The following OPN3 variants were observed in gnomAD, a reference collection of about 807,000 sequenced individuals.
OPN3 encodes opsin-3.
In OPN3, 29 loss-of-function variants were observed where a neutral mutation model predicts 33.8. That is an observed-to-expected ratio of 0.86 (90% CI 0.64 to 1.17). The LOEUF (loss-of-function observed/expected upper bound fraction) is 1.17, where lower values mean the gene tolerates loss of function less well. OPN3 is among the 50% of genes most tolerant of loss of function. OPN3 has a pLI of 0.00. For synonymous variants in OPN3, 216 were observed against 216.1 expected (o/e 1.00, Z 0.00); for missense variants, 437 against 514.1 (o/e 0.85, Z 1.45).
rs45534741 is a variant in OPN3 at position 241,634,034 on chromosome 1, G to A, written c.373+5848C>T. The A allele has an allele frequency of 5.5e-5, 89 of 1,613,492 alleles. No individual in the cohort carries two copies. Among genetic ancestry groups the A allele is most frequent in the Non-Finnish European group, 7.2e-5 (85 of 1,179,846 alleles). ...ATTTCCCAGGCCACAGTCAGGCCCA[G>A]AGCAGACATAAACATTGGAAGGCAA... On this transcript the variant is annotated intron_variant, in intron 1 of 3. Coordinates refer to ENST00000366554, the MANE Select transcript of OPN3 (RefSeq NM_014322.3).
chr1:241,594,700 A>G lies in OPN3; in HGVS notation c.946-9T>C. 2 of 1,608,714 alleles carry G rather than the reference A, an allele frequency of 1.2e-6. No homozygotes were observed. Among genetic ancestry groups the G allele is most frequent in the East Asian group, 2.2e-5 (1 of 44,794 alleles). On this transcript the variant is annotated splice_polypyrimidine_tract_variant and intron_variant, in intron 3 of 3. Transcript: ENST00000366554. ...AAAAGGGATCTTCGAAACTGGGCAG[A>G]GAAAAAATAAAGTGGAATATTAAGT...
At chr1:241,602,744 C>A (rs1388615641) in intron 2 of OPN3, among the ~76,000 whole-genome samples, 1 of 152,266 alleles carries the variant, frequency 6.6e-6, no homozygotes, top group East Asian at 1.9e-4. Flanking sequence ...AGAGCCCCAT[C>A]CTCATGACCT....
chr1:241,602,510 T>C (rs946092655), intron 2 of OPN3, among the ~76,000 whole-genome samples: 1 of 152,220 alleles, frequency 6.6e-6, no homozygotes, highest in Non-Finnish European at 1.5e-5. Flanking sequence ...TTCTGGAGGC[T>C]GGGAAGTCCC....
intron 3 of OPN3, among the ~76,000 whole-genome samples, chr1:241,596,809 A>G (rs1219447590): frequency 2.0e-5 from 3 of 152,156 alleles, no homozygotes; most frequent in South Asian, 4.1e-4. Flanking sequence ...TTTCAACTAC[A>G]GAAACAGATG....
chr1:241,597,583 T>C (rs1192464667), intron 3 of OPN3, among the ~76,000 whole-genome samples, 163 bp downstream of exon 3: 1 of 152,200 alleles, frequency 6.6e-6, no homozygotes, highest in Admixed American at 6.5e-5. Flanking sequence ...GTTATGATTT[T>C]CTTTGGAAAT....
intron 1 of OPN3, among the ~76,000 whole-genome samples, chr1:241,636,921 AAC>A (rs1664918490): frequency 6.6e-6 from 1 of 151,504 alleles, no homozygotes; most frequent in Non-Finnish European, 1.5e-5. Flanking sequence ...TGCCAAGACT[AAC>A]ACTGTTTGTT....
At chr1:241,598,411 T>G (rs1356651371) in intron 2 of OPN3, among the ~76,000 whole-genome samples, 1 of 152,232 alleles carries the variant, frequency 6.6e-6, no homozygotes, top group Non-Finnish European at 1.5e-5. Flanking sequence ...CAAATCAGAC[T>G]GCACACCCAT....
chr1:241,619,850 G>T (rs148679784), intron 1 of OPN3, among the ~76,000 whole-genome samples: 146 of 152,328 alleles, frequency 9.6e-4, no homozygotes, highest in African/African-American at 3.4e-3. Flanking sequence ...CAGTCACCAG[G>T]CCGGTGTGTC....
chr1:241,610,522 T>C (rs1406017015), intron 1 of OPN3, among the ~76,000 whole-genome samples: 3 of 152,316 alleles, frequency 2.0e-5, no homozygotes, highest in Non-Finnish European at 2.9e-5. Flanking sequence ...AATATATATT[T>C]AAATGTCTAC....
chr1:241,604,645 T>A, intron 1 of OPN3, 66 bp from the exon 2 acceptor site: 1 of 1,386,258 alleles, frequency 7.2e-7, no homozygotes, highest in South Asian at 1.4e-5. Context: ...AGAGACGTGA[T>A]ACATTCTCCA....
chr1:241,630,681 TTA>T (rs1286341207), intron 1 of OPN3: 8 of 152,252 alleles, frequency 5.3e-5, no homozygotes, highest in Admixed American at 2.0e-4. Context: ...TGAGAAATGT[TTA>T]TGTTTTCCCA....
chr1:241,632,283 T>C (rs146146463), intron 1 of OPN3: 2,451 of 153,272 alleles, frequency 0.016, 33 homozygotes, highest in Non-Finnish European at 0.025. Context: ...CACATGGAAC[T>C]GTGAGTCCAT....
intron 1 of OPN3, among the ~76,000 whole-genome samples, chr1:241,608,292 T>A (rs1663894535): frequency 6.6e-6 from 1 of 152,218 alleles, no homozygotes; most frequent in Admixed American, 6.5e-5. Flanking sequence ...AATAAGCTGG[T>A]AAAATAAGCT....
chr1:241,595,094 C>T (rs1573947853), intron 3 of OPN3: 1 of 157,974 alleles, frequency 6.3e-6, no homozygotes, highest in Admixed American at 6.4e-5. Context: ...AGATAAGGCT[C>T]TTCCTGGCAG....
At chr1:241,634,187 T>G in intron 1 of OPN3, 1 of 1,614,016 alleles carries the variant, frequency 6.2e-7, no homozygotes, top group East Asian at 2.2e-5. Flanking sequence ...GAATAATTTC[T>G]TCACCACTGA....
chr1:241,630,780 G>A (rs1238239324), intron 1 of OPN3: 1 of 151,938 alleles, frequency 6.6e-6, no homozygotes, highest in Non-Finnish European at 1.5e-5. Context: ...ATTAAATCAA[G>A]GGTGAATGAT....
At chr1:241,611,255 T>A (rs1663983303) in intron 1 of OPN3, among the ~76,000 whole-genome samples, 3 of 152,132 alleles carry the variant, frequency 2.0e-5, no homozygotes, top group African/African-American at 7.2e-5. Context: ...AAGTTCACAC[T>A]AAACAGAAGA....
At chr1:241,638,138 T>C (rs1355515090) in intron 1 of OPN3, among the ~76,000 whole-genome samples, 4 of 152,184 alleles carry the variant, frequency 2.6e-5, no homozygotes, top group Admixed American at 6.5e-5. Flanking sequence ...TTTCCACCTC[T>C]ACATTAAAAA....
chr1:241,594,194 A>G lies in OPN3; in HGVS notation c.*234T>C, dbSNP rs1435159521. 1 of 448,318 alleles carries G rather than the reference A, an allele frequency of 2.2e-6. No individual in the cohort carries two copies. Among genetic ancestry groups the G allele is most frequent in the African/African-American group, 2.0e-5 (1 of 50,052 alleles). 27.8% of individuals were successfully genotyped at this position (448,318 alleles called of 1,614,324 possible). A position where few individuals can be genotyped will look rare whatever the true frequency, so the allele number is the denominator to read the frequency against. On this transcript the variant is annotated 3_prime_UTR_variant, in exon 4 of 4. Coordinates refer to ENST00000366554, the MANE Select transcript of OPN3 (RefSeq NM_014322.3). ...TAGAAGATGATGATGTTAGATGCCC[A>G]TCGTGTGCCACAAGTGGTTTTTTCA...
Sources: gnomAD v4.1 joint callset for allele counts (sites outside exome capture counted in the v4.1 genomes callset) on GRCh38, gnomAD v4.1.1 for gene constraint, MANE v1.5 for transcripts, NCBI Gene and HGNC (gene_info 2026-07-23, HGNC 2026-07-21) for gene names.